Variants in BRD8 observed in about 807,000 individuals in gnomAD.
The protein encoded by BRD8 is bromodomain containing 8.
Under a neutral mutation model 143.1 loss-of-function variants are expected in BRD8, and 67 were observed. That is an observed-to-expected ratio of 0.47 (90% confidence interval 0.38 to 0.57). The LOEUF (loss-of-function observed/expected upper bound fraction) is 0.57, where lower values mean the gene tolerates loss of function less well. Among genes scored for constraint, BRD8 ranks in the 20% least tolerant of loss-of-function variants. BRD8 has a pLI of 0.00. For missense variants in BRD8, 1,103 were observed against 1,503.0 expected (o/e 0.73, Z 4.40); for synonymous variants, 505 against 517.1 (o/e 0.98, Z 0.32).
Position 138,165,022 on chromosome 5 carries a change from C to T in BRD8, c.1423G>A (p.Ala475Thr). 1.2e-6 allele frequency: 2 copies of T among 1,614,170 alleles called. No individual in the cohort carries two copies. The highest frequency in any genetic ancestry group is 1.7e-6 in the Non-Finnish European group (2 of 1,180,026). The change falls in exon 12 of 27, where the codon GCA becomes ACA. Residue 475 changes from alanine (A) to threonine (T), a missense_variant. Ala to Thr is a moderately conservative substitution (Grantham distance 58). Coordinates refer to ENST00000254900, the MANE Select transcript of BRD8 (RefSeq NM_139199.2). ...QERDKPVPLP[A>T]PEMTVKQERL... ...TCTTGCTTGACCGTCATTTCTGGTG[C>T]AGGGAGAGGTACTGGCTTGTCCCGC... is the stretch of plus-strand genomic sequence containing the variant.
intron 23 of BRD8, among the ~76,000 whole-genome samples, chr5:138,147,495 C>A (rs1466526731): frequency 6.6e-6 from 1 of 151,400 alleles, no homozygotes; most frequent in Admixed American, 6.6e-5. Flanking sequence ...GGAAAAAGAA[C>A]AATTTATTTA....
intron 15 of BRD8, 74 bp downstream of exon 15, chr5:138,163,055 AG>A (rs369164527): frequency 1.2e-5 from 15 of 1,284,572 alleles, no homozygotes; most frequent in African/African-American, 6.9e-5. Flanking sequence ...AAAGACAGGA[AG>A]GAAGGAAGGA....
At position 138,165,937 on chromosome 5, in the gene BRD8, C is replaced by T; in HGVS notation, c.1169G>A (p.Gly390Glu). Residue 390 changes from glycine (G) to glutamate (E), a missense_variant, in exon 11 of 27, where the codon GGG (glycine) becomes GAG (glutamate). Transcript: ENST00000254900. ...CTCAGCCAGATCTAATTCTTCCTTC[C>T]CATCTATGCTGGGAGCCTTTGATCC... ...PVGSKAPSIDGKEELDLAEKM... is the reference protein window; with the variant it reads ...PVGSKAPSIDEKEELDLAEKM... 6.2e-7 allele frequency: 1 copy of T among 1,614,192 alleles called. No homozygotes were observed. The highest frequency in any genetic ancestry group is 8.5e-7 in the Non-Finnish European group (1 of 1,180,036).
intron 22 of BRD8, among the ~76,000 whole-genome samples, chr5:138,150,271 ATTTGTTT>A (rs1237300055): frequency 7.9e-5 from 12 of 151,158 alleles, no homozygotes; most frequent in Non-Finnish European, 1.8e-4. Flanking sequence ...TACCTGGCTA[ATTTGTTT>A]TTTGTTTTTT....
intron 14 of BRD8, 92 bp from the exon 15 acceptor site, chr5:138,163,436 T>C (rs1375312932): frequency 6.7e-7 from 1 of 1,482,768 alleles, no homozygotes. Flanking sequence ...TTAGAATTAG[T>C]TCTAGAAATG....
Position 138,142,481 on chromosome 5 carries a change from T to G in BRD8, c.3438-1599A>C, listed in dbSNP as rs62381760. 1.8e-4 allele frequency among the ~76,000 whole-genome samples: 27 copies of G among 152,014 alleles called. 1 individual carries two copies. The South Asian group carries it at 3.5e-3, about 20-fold the overall frequency. On this transcript the variant is annotated intron_variant, in intron 25 of 26. Transcript: ENST00000254900. ...TGACCTATGCTATAAAAACCCAAAA[T>G]AGGCCGAGCACAGTGGTTCAAGCCT... is the stretch of plus-strand genomic sequence containing the variant.
chr5:138,170,528 C>G (rs1753781187), intron 6 of BRD8, 119 bp from the exon 7 acceptor site: 4 of 1,078,844 alleles, frequency 3.7e-6, no homozygotes, highest in South Asian at 1.2e-5. Context: ...AAGGCCTAAA[C>G]AGGAATTCTA....
chr5:138,161,777 T>G lies in BRD8; in HGVS notation c.2249+19A>C. The G allele has an allele frequency of 6.2e-7, 1 of 1,607,848 alleles. No homozygotes were observed. The highest frequency in any genetic ancestry group is 8.5e-7 in the Non-Finnish European group (1 of 1,175,582). On this transcript the variant is annotated intron_variant, in intron 17 of 26. Coordinates refer to ENST00000254900, the MANE Select transcript of BRD8 (RefSeq NM_139199.2). Reference sequence around the variant, plus strand: ...TTATAATTCAGGCAAGTTACCATGCTGGGTGGACCATGGCTCACCTCTGCA... The same window carrying G: ...TTATAATTCAGGCAAGTTACCATGCGGGGTGGACCATGGCTCACCTCTGCA...
In BRD8 at chr5:138,171,173, GA is replaced by G. The variant is rs758086410; in HGVS notation, c.237-14del. 2.3e-3 allele frequency: 3,168 copies of G among 1,350,292 alleles called. No individual in the cohort carries two copies. The highest frequency in any genetic ancestry group is 3.4e-3 in the Admixed American group (154 of 45,816). 83.6% of individuals were successfully genotyped at this position (1,350,292 alleles called of 1,614,324 possible). ...ACCTCGTTTCCGTCTGTGGAAAATT[GA>G]AAAAAAAAAATTCATATTCAAATAA... On this transcript the variant is annotated splice_polypyrimidine_tract_variant and intron_variant, in intron 4 of 26. Coordinates refer to ENST00000254900, the MANE Select transcript of BRD8 (RefSeq NM_139199.2).
chr5:138,172,189 A>G, intron 2 of BRD8, 55 bp from the exon 3 acceptor site: 1 of 1,395,458 alleles, frequency 7.2e-7, no homozygotes, highest in African/African-American at 1.4e-5. Context: ...TAGGAGAGGT[A>G]TGCTGAGAGT....
At chr5:138,157,272 A>G (rs1752662707) in intron 20 of BRD8, 1 of 1,613,790 alleles carries the variant, frequency 6.2e-7, no homozygotes. Context: ...TCCATCCTAG[A>G]TGACAGGCAG....
chr5:138,163,454 G>T (rs913511143), intron 14 of BRD8, 110 bp from the exon 15 acceptor site: 1 of 1,383,264 alleles, frequency 7.2e-7, no homozygotes, highest in Non-Finnish European at 9.9e-7. Flanking sequence ...ATGACCTCAC[G>T]CTGTTTCCTG....
intron 23 of BRD8, among the ~76,000 whole-genome samples, chr5:138,147,954 A>AT: frequency 6.6e-6 from 1 of 151,656 alleles, no homozygotes; most frequent in East Asian, 1.9e-4. Flanking sequence ...AAAAATTAAT[A>AT]TTTTTTTGGT....
At position 138,163,267 on chromosome 5, in the gene BRD8, T is replaced by G; in HGVS notation, c.1950A>C (p.Gln650His). The G allele has an allele frequency of 6.2e-7, 1 of 1,614,180 alleles. No individual in the cohort carries two copies. The highest frequency in any genetic ancestry group is 8.5e-7 in the Non-Finnish European group (1 of 1,180,034). Reference sequence around the variant, plus strand: ...CCATTTCTGACAAGTAGCCTTCTCCTTGATCCTCTTCCTTAGGCTCCTCTA... The same window carrying G: ...CCATTTCTGACAAGTAGCCTTCTCCGTGATCCTCTTCCTTAGGCTCCTCTA... Reference protein sequence around the residue: ...ASLEEPKEEDQGEGYLSEMDN... With the variant: ...ASLEEPKEEDHGEGYLSEMDN... Residue 650 changes from glutamine to histidine, a missense_variant, in exon 15 of 27, where the codon CAA (glutamine) becomes CAC (histidine). Gln to His is a conservative substitution (Grantham distance 24, BLOSUM62 0). Around this residue, in one of 7 missense-constraint regions of BRD8, gnomAD observed 75 missense variants for 111.7 expected, o/e 0.67. Coordinates refer to ENST00000254900, the MANE Select transcript of BRD8 (RefSeq NM_139199.2).
At chr5:138,155,430 C>T (rs989671751) in intron 20 of BRD8, among the ~76,000 whole-genome samples, 7 of 138,014 alleles carry the variant, frequency 5.1e-5, no homozygotes, top group African/African-American at 8.2e-5. Context: ...GCCTGGGCAA[C>T]GAGAGTGAAA....
chr5:138,148,551 T>G (rs1167038780), intron 23 of BRD8, among the ~76,000 whole-genome samples: 1 of 151,916 alleles, frequency 6.6e-6, no homozygotes, highest in East Asian at 1.9e-4. Flanking sequence ...TTATTTTTTG[T>G]AAAGATGAGG....
intron 10 of BRD8, 42 bp downstream of exon 10, chr5:138,166,476 T>C: frequency 2.9e-6 from 4 of 1,390,036 alleles, no homozygotes; most frequent in Non-Finnish European, 3.9e-6. Context: ...TAACTAAAGC[T>C]CAAAATGAAA....
At chr5:138,177,418 G>T (rs1198137842) in intron 2 of BRD8, 153 bp downstream of exon 2, 1 of 522,110 alleles carries the variant, frequency 1.9e-6, no homozygotes, top group Non-Finnish European at 3.4e-6. Context: ...ACTCCAGCCT[G>T]GGCAACAGAA....
At chr5:138,169,810 T>G (rs1561617615) in intron 7 of BRD8, among the ~76,000 whole-genome samples, 1 of 151,982 alleles carries the variant, frequency 6.6e-6, no homozygotes, top group Non-Finnish European at 1.5e-5. Flanking sequence ...AATACAAAAA[T>G]TAGCTAGGTG....
Sources: allele counts gnomAD v4.1 joint callset (sites outside exome capture counted in the v4.1 genomes callset), GRCh38; gene constraint gnomAD v4.1.1; regional missense constraint gnomAD v4.1.1; transcripts MANE v1.5; gene names NCBI Gene and HGNC (gene_info 2026-07-23, HGNC 2026-07-21).